The following AQR variants were observed in gnomAD, a reference collection of about 807,000 sequenced individuals.
AQR encodes RNA helicase aquarius.
AQR carries 61 observed loss-of-function variants against 180.5 expected under a neutral mutation model. The ratio of observed to expected loss-of-function variants is 0.34; its 90% CI spans 0.28 to 0.42. The LOEUF is 0.42. Ranked by LOEUF, AQR falls within the 10% of genes least tolerant of loss-of-function variation. The pLI is 1.00. For missense variants in AQR, 1,281 were observed against 1,798.3 expected, an observed-to-expected ratio of 0.71 and a Z score of 5.20; for synonymous variants, 551 against 588.8, an observed-to-expected ratio of 0.94 and a Z score of 0.93.
At chr15:34,900,597 G>C (rs748484693) in intron 20 of AQR, 25 bp downstream of exon 20, 2 of 1,604,808 alleles carry the variant, frequency 1.2e-6, no homozygotes, top group Non-Finnish European at 1.7e-6. Context: ...ATGCTGGAGA[G>C]GAGCGTACCC....
chr15:34,880,506 T>C (rs758470708), intron 27 of AQR, among the ~76,000 whole-genome samples: 11 of 152,068 alleles, frequency 7.2e-5, no homozygotes, highest in Non-Finnish European at 1.5e-4. Context: ...TTGGGTTGAA[T>C]TGGTGGTAAA....
intron 13 of AQR, among the ~76,000 whole-genome samples, chr15:34,924,744 T>C (rs536476889): frequency 7.2e-5 from 11 of 152,158 alleles, no homozygotes; most frequent in Non-Finnish European, 1.5e-4. Context: ...ATTGATATTT[T>C]TAAATGAATT....
At chr15:34,952,406 C>T (rs544035373) in intron 4 of AQR, among the ~76,000 whole-genome samples, 1 of 152,220 alleles carries the variant, frequency 6.6e-6, no homozygotes, top group Non-Finnish European at 1.5e-5. Context: ...CAACAACAAT[C>T]CTGGCTCTTA....
chr15:34,962,195 G>A (rs901073125), intron 2 of AQR, among the ~76,000 whole-genome samples: 1 of 151,754 alleles, frequency 6.6e-6, no homozygotes, highest in African/African-American at 2.4e-5. Flanking sequence ...CTAATTTTTT[G>A]TATTTTTGGT....
intron 12 of AQR, among the ~76,000 whole-genome samples, chr15:34,929,703 C>A (rs1474531446): frequency 6.6e-6 from 1 of 152,058 alleles, no homozygotes; most frequent in Non-Finnish European, 1.5e-5. Context: ...GAATCTTTAC[C>A]CCCAACAAAA....
intron 32 of AQR, among the ~76,000 whole-genome samples, chr15:34,863,744 CTTTAA>C (rs890768788): frequency 4.6e-5 from 7 of 152,120 alleles, no homozygotes; most frequent in Admixed American, 1.3e-4. Context: ...TGTCATTTTT[CTTTAA>C]TTTATTTTTT....
intron 32 of AQR, among the ~76,000 whole-genome samples, chr15:34,867,244 CAG>C (rs1892748642): frequency 1.3e-5 from 2 of 152,018 alleles, no homozygotes; most frequent in African/African-American, 4.8e-5. Flanking sequence ...AAGTTTCTAA[CAG>C]ATACAGGAGA....
intron 8 of AQR, among the ~76,000 whole-genome samples, chr15:34,940,399 G>A (rs1309792619): frequency 6.6e-6 from 1 of 152,130 alleles, no homozygotes; most frequent in East Asian, 1.9e-4. Context: ...GCGTGGTGGC[G>A]CATGCCTGTA....
At position 34,862,885 on chromosome 15, in the gene AQR, A is replaced by T. The variant is rs773237103; in HGVS notation, c.4011T>A (p.Pro1337=). 6.2e-7 allele frequency: 1 copy of T among 1,613,530 alleles called. No individual in the cohort carries two copies. Among genetic ancestry groups the T allele is most frequent in the Non-Finnish European group, 8.5e-7 (1 of 1,179,728 alleles). The change falls in exon 33 of 35, where the codon CCT becomes CCA. Residue 1337 remains proline, a synonymous_variant. Coordinates refer to ENST00000156471, the MANE Select transcript of AQR (RefSeq NM_014691.3). Reference sequence around the variant, plus strand: ...GTCCTACCTTTCTAGTAGTTGGGAAAGGTTCTGTTGGAATTATATGCAAAT... The same window carrying T: ...GTCCTACCTTTCTAGTAGTTGGGAATGGTTCTGTTGGAATTATATGCAAAT... ...PLHLHIIPTE[P]FPTTRKNGER...
chr15:34,944,569 T>C lies in AQR; in HGVS notation c.331-141A>G, dbSNP rs1348784179. 3 of 798,474 alleles carry C rather than the reference T, an allele frequency of 3.8e-6. No individual in the cohort carries two copies. The East Asian group carries it at 9.4e-5, about 25-fold the overall frequency. The allele number at this position is 798,474 out of a possible 1,614,324, so 49.5% of individuals were successfully genotyped here. On this transcript the variant is annotated intron_variant, in intron 5 of 34. Coordinates refer to ENST00000156471, the MANE Select transcript of AQR (RefSeq NM_014691.3). The stretch of plus-strand genomic sequence containing the variant: ...TATTTGTATATGTATAAAAGAAGCA[T>C]CACGTGCTTACTTATAATTAATGGC...
rs749903221 is a variant in AQR, at chr15:34,910,252, C to A, written c.1546G>T (p.Ala516Ser). The change falls in exon 17 of 35, where the codon GCT (alanine) becomes TCT (serine). Residue 516 changes from alanine (A) to serine (S), a missense_variant. Ala to Ser is a moderately conservative substitution (Grantham distance 99). This residue lies in a region of AQR where 200 missense variants were observed against 293.4 expected (regional missense o/e 0.68). Transcript: ENST00000156471. ...GWARMAQPIV[A>S]FTVVEVAKPN... is the part of the protein sequence containing the mutation. ...TTGGCCACTTCAACGACAGTGAAAGCCACAATGGGCTGGGCCATTCGCGCC... is the reference window on the plus strand; with the variant it reads ...TTGGCCACTTCAACGACAGTGAAAGACACAATGGGCTGGGCCATTCGCGCC... The A allele has an allele frequency of 2.5e-6, 4 of 1,614,082 alleles. No individual in the cohort carries two copies. The highest frequency in any genetic ancestry group is 3.4e-6 in the Non-Finnish European group (4 of 1,180,042).
At chr15:34,906,774 C>T (rs1893425680) in intron 17 of AQR, 62 bp from the exon 18 acceptor site, 1 of 1,525,634 alleles carries the variant, frequency 6.6e-7, no homozygotes, top group East Asian at 2.3e-5. Flanking sequence ...CTTTTGTAGG[C>T]AAATTCTTAT....
In AQR at chr15:34,882,649, C is replaced by A. The variant is rs202242658; in HGVS notation, c.3028-10G>T. The A allele has an allele frequency of 1.9e-6, 3 of 1,590,006 alleles. No individual in the cohort carries two copies. Among genetic ancestry groups the A allele is most frequent in the Non-Finnish European group, 2.6e-6 (3 of 1,169,158 alleles). On this transcript the variant is annotated splice_polypyrimidine_tract_variant and intron_variant, in intron 26 of 34. Coordinates refer to ENST00000156471, the MANE Select transcript of AQR (RefSeq NM_014691.3). ...CAGAGGCTCTGAATTCCTATGGAAACGAGGAGCAATGAAAGATAATTTTAG... is the reference window on the plus strand; with the variant it reads ...CAGAGGCTCTGAATTCCTATGGAAAAGAGGAGCAATGAAAGATAATTTTAG...
rs775414927 is a variant in AQR at position 34,890,341 on chromosome 15, G to A, written c.2572-17C>T. ...GTTTAGGGCCTAGACAATAAAGCAAGAAGGGTGACGGCACCTTTAAACGTA... is the reference window on the plus strand; with the variant it reads ...GTTTAGGGCCTAGACAATAAAGCAAAAAGGGTGACGGCACCTTTAAACGTA... On this transcript the variant is annotated splice_polypyrimidine_tract_variant and intron_variant, in intron 23 of 34. Coordinates refer to ENST00000156471, the MANE Select transcript of AQR (RefSeq NM_014691.3). 1.9e-6 allele frequency: 3 copies of A among 1,600,320 alleles called. No individual in the cohort carries two copies. The Admixed American group carries it at 5.1e-5, about 27-fold the overall frequency.
intron 31 of AQR, chr15:34,870,343 A>G (rs1471313313): frequency 6.6e-6 from 1 of 152,570 alleles, no homozygotes; most frequent in Non-Finnish European, 1.5e-5. Flanking sequence ...TAAAAAATAT[A>G]TATATTTTTA....
Position 34,950,084 on chromosome 15 carries a change from C to CTTTTTTTTT in AQR, c.210-1709_210-1701dup, listed in dbSNP as rs1174370425. Among the ~76,000 whole-genome samples the CTTTTTTTTT allele has an allele frequency of 1.1e-3, 85 of 74,088 alleles. 5 individuals carry two copies. The highest frequency in any genetic ancestry group is 1.4e-3 in the Non-Finnish European group (62 of 43,734). The allele number at this position is 74,088 out of a possible 152,430, so 48.6% of individuals were successfully genotyped here. A position where few individuals can be genotyped will look rare whatever the true frequency, so the allele number is the denominator to read the frequency against. ...ATTTTTACTTCTCTTTGCTATTTTC[C>CTTTTTTTTT]TTTTTTTTTTTTTTTTTTTTTTTTG... On this transcript the variant is annotated intron_variant, in intron 4 of 34. Coordinates refer to ENST00000156471, the MANE Select transcript of AQR (RefSeq NM_014691.3).
chr15:34,949,873 G>A (rs142774518), intron 4 of AQR, among the ~76,000 whole-genome samples: 2,886 of 149,364 alleles, frequency 0.019, 104 homozygotes, highest in African/African-American at 0.066. Flanking sequence ...GGCTGAGGTA[G>A]GAGGATCACT....
intron 6 of AQR, among the ~76,000 whole-genome samples, chr15:34,943,556 C>T (rs1434720687): frequency 6.6e-6 from 1 of 151,954 alleles, no homozygotes; most frequent in East Asian, 1.9e-4. Flanking sequence ...TTTAAAAGAT[C>T]CATGTGAGAT....
chr15:34,924,923 A>G (rs1174144638), intron 13 of AQR, among the ~76,000 whole-genome samples: 1 of 150,232 alleles, frequency 6.7e-6, no homozygotes, highest in Non-Finnish European at 1.5e-5. Flanking sequence ...TAAATGTAAA[A>G]AAAAAAAAAA....
Sources: gnomAD v4.1 joint callset for allele counts (sites outside exome capture counted in the v4.1 genomes callset) on GRCh38, gnomAD v4.1.1 for gene constraint, gnomAD v4.1.1 regional missense constraint, MANE v1.5 for transcripts, NCBI Gene and HGNC (gene_info 2026-07-23, HGNC 2026-07-21) for gene names.